Variants in PLCB1 observed in about 807,000 individuals in gnomAD.
PLCB1 encodes 1-phosphatidylinositol 4,5-bisphosphate phosphodiesterase beta-1.
Under a neutral mutation model 161.8 loss-of-function variants are expected in PLCB1, and 46 were observed. The observed-to-expected ratio is 0.28, with a 90% CI of 0.22 to 0.36. The LOEUF (loss-of-function observed/expected upper bound fraction) is 0.36, where lower values mean the gene tolerates loss of function less well. Among genes scored for constraint, PLCB1 ranks in the 10% least tolerant of loss-of-function variants. PLCB1 has a pLI of 1.00. For synonymous variants in PLCB1, 517 were observed against 503.7 expected (o/e 1.03, Z -0.35); for missense variants, 1,016 against 1,472.5 (o/e 0.69, Z 5.07).
intron 2 of PLCB1, among the ~76,000 whole-genome samples, chr20:8,206,048 G>A (rs1323270918): frequency 1.3e-5 from 2 of 152,038 alleles, no homozygotes; most frequent in African/African-American, 2.4e-5. Flanking sequence ...TCACCTGTTC[G>A]ATAGAAATAA....
chr20:8,455,432 CTTTTTTTTTTTTT>C (rs1175763739), intron 3 of PLCB1, among the ~76,000 whole-genome samples: 148 of 74,220 alleles, frequency 2.0e-3, no homozygotes, highest in Admixed American at 8.1e-3. Flanking sequence ...TATTCTTCCT[CTTTTTTTTTTTTT>C]TTTTTTTTTT....
chr20:8,345,569 T>G (rs1985973923), intron 2 of PLCB1, among the ~76,000 whole-genome samples: 1 of 152,182 alleles, frequency 6.6e-6, no homozygotes, highest in Non-Finnish European at 1.5e-5. Context: ...GGTGCTGCCC[T>G]GGGCATTGTA....
chr20:8,552,258 A>G (rs886365000), intron 3 of PLCB1, among the ~76,000 whole-genome samples: 2 of 152,234 alleles, frequency 1.3e-5, no homozygotes. Flanking sequence ...ATTTATGTTT[A>G]ATGTGGTGCC....
chr20:8,571,923 G>C (rs1381682831), intron 3 of PLCB1, among the ~76,000 whole-genome samples: 1 of 152,130 alleles, frequency 6.6e-6, no homozygotes, highest in African/African-American at 2.4e-5. Context: ...AATGGGGGAA[G>C]TGCCAATAAA....
At chr20:8,779,860 C>T (rs952945634) in intron 27 of PLCB1, among the ~76,000 whole-genome samples, 10 of 152,154 alleles carry the variant, frequency 6.6e-5, no homozygotes, top group East Asian at 1.9e-4. Flanking sequence ...CTGTTGGTGA[C>T]GAAGTCATAG....
intron 2 of PLCB1, among the ~76,000 whole-genome samples, chr20:8,208,417 G>C (rs927504116): frequency 6.6e-6 from 1 of 151,858 alleles, no homozygotes; most frequent in African/African-American, 2.4e-5. Context: ...GGGAGGAGGC[G>C]GTCATTTTCC....
At chr20:8,812,472 G>T (rs946134360) in intron 31 of PLCB1, among the ~76,000 whole-genome samples, 2 of 152,144 alleles carry the variant, frequency 1.3e-5, no homozygotes, top group Non-Finnish European at 2.9e-5. Context: ...AGACAAAGAG[G>T]CTCCCTCTGG....
At chr20:8,400,153 A>G (rs1978485630) in intron 3 of PLCB1, among the ~76,000 whole-genome samples, 1 of 152,194 alleles carries the variant, frequency 6.6e-6, no homozygotes, top group African/African-American at 2.4e-5. Flanking sequence ...TAGCTGCACT[A>G]TGTGGGTGAC....
At chr20:8,446,663 G>A (rs1449208066) in intron 3 of PLCB1, among the ~76,000 whole-genome samples, 5 of 152,142 alleles carry the variant, frequency 3.3e-5, no homozygotes, top group African/African-American at 4.8e-5. Context: ...AAACCCAATC[G>A]TCTCAGACCA....
At chr20:8,556,811 C>T (rs8123677) in intron 3 of PLCB1, among the ~76,000 whole-genome samples, 12,883 of 151,044 alleles carry the variant, frequency 0.085, 982 homozygotes, top group African/African-American at 0.2. Flanking sequence ...AAAAATAGTC[C>T]GGAAAAATGA....
chr20:8,154,896 ACTTGAAG>A (rs1307841822), intron 2 of PLCB1, among the ~76,000 whole-genome samples: 6 of 152,310 alleles, frequency 3.9e-5, no homozygotes, highest in Admixed American at 3.9e-4. Context: ...ACAAAAGATG[ACTTGAAG>A]CTTTAAGTTT....
intron 3 of PLCB1, among the ~76,000 whole-genome samples, chr20:8,538,447 A>G (rs1600137594): frequency 6.6e-6 from 1 of 152,068 alleles, no homozygotes; most frequent in Admixed American, 6.6e-5. Context: ...CCTGGGCTCA[A>G]ATGATCCTCC....
At chr20:8,661,890 G>C (rs1989633743) in intron 9 of PLCB1, among the ~76,000 whole-genome samples, 1 of 134,082 alleles carries the variant, frequency 7.5e-6, no homozygotes, top group African/African-American at 2.8e-5. Flanking sequence ...CACAGTGACA[G>C]ACCCAGAGAT....
At position 8,724,270 on chromosome 20, in the gene PLCB1, T is replaced by C. The variant is rs1979813421; in HGVS notation, c.1582-386T>C. Among the ~76,000 whole-genome samples, 4 of 152,088 alleles carry C rather than the reference T, an allele frequency of 2.6e-5. No individual in the cohort carries two copies. In the South Asian group the frequency reaches 6.2e-4, roughly 24 times the overall value. On this transcript the variant is annotated intron_variant, in intron 15 of 31. Transcript: ENST00000338037. ...GACAACACCTATGGACACCCTGCAATGGAAGATGAGCTATAGCTCAGTGCT... is the reference window on the plus strand; with the variant it reads ...GACAACACCTATGGACACCCTGCAACGGAAGATGAGCTATAGCTCAGTGCT...
At chr20:8,806,043 C>A (rs1001737977) in intron 31 of PLCB1, among the ~76,000 whole-genome samples, 32 of 152,112 alleles carry the variant, frequency 2.1e-4, no homozygotes, top group African/African-American at 7.5e-4. Context: ...GAGATTTCAC[C>A]CCCAAACTGA....
chr20:8,371,058 G>A (rs904706777), intron 2 of PLCB1: 15 of 240,856 alleles, frequency 6.2e-5, no homozygotes, highest in South Asian at 1.5e-4. Context: ...CCTCACCTAC[G>A]CTCAGTGACT....
chr20:8,759,972 C>T (rs1356819540), intron 24 of PLCB1, among the ~76,000 whole-genome samples: 1 of 121,516 alleles, frequency 8.2e-6, no homozygotes, highest in Non-Finnish European at 1.6e-5. Flanking sequence ...GTGGCATGAT[C>T]TCAGTCCACT....
At chr20:8,827,781 A>G (rs986689030) in intron 31 of PLCB1, among the ~76,000 whole-genome samples, 2 of 152,248 alleles carry the variant, frequency 1.3e-5, no homozygotes, top group Admixed American at 1.3e-4. Context: ...TTGAAAAATA[A>G]TCAAACGAAG....
At chr20:8,325,935 A>T (rs986751491) in intron 2 of PLCB1, among the ~76,000 whole-genome samples, 2 of 152,246 alleles carry the variant, frequency 1.3e-5, no homozygotes, top group South Asian at 4.1e-4. Flanking sequence ...GACATAGCCC[A>T]TTGGAAAACT....
Sources: allele counts gnomAD v4.1 joint callset (sites outside exome capture counted in the v4.1 genomes callset), GRCh38; gene constraint gnomAD v4.1.1; transcripts MANE v1.5; gene names NCBI Gene and HGNC (gene_info 2026-07-23, HGNC 2026-07-21).